MAGI2: variants seen among roughly 807,000 people sequenced by gnomAD.
The protein encoded by MAGI2 is membrane-associated guanylate kinase, WW and PDZ domain-containing protein 2.
MAGI2 carries 35 observed loss-of-function variants against 133.3 expected under a neutral mutation model. The ratio of observed to expected loss-of-function variants is 0.26; its 90% CI spans 0.20 to 0.35. The LOEUF (loss-of-function observed/expected upper bound fraction) is 0.35, where lower values mean the gene tolerates loss of function less well. Ranked by LOEUF, MAGI2 falls within the 10% of genes least tolerant of loss-of-function variation. The probability of loss-of-function intolerance (pLI) is 1.00; values close to 1 mark genes in which losing one functional copy is unlikely to be tolerated. For synonymous variants in MAGI2, 729 were observed against 710.6 expected (o/e 1.03, Z -0.41); for missense variants, 1,636 against 1,863.4 (o/e 0.88, Z 2.25).
intron 6 of MAGI2, among the ~76,000 whole-genome samples, chr7:78,371,517 A>T (rs1793915269): frequency 6.6e-6 from 1 of 151,968 alleles, no homozygotes; most frequent in Admixed American, 6.6e-5. Flanking sequence ...GAAGCATTTC[A>T]TGGTCAAAGT....
At chr7:78,222,995 C>T (rs1788983395) in intron 10 of MAGI2, among the ~76,000 whole-genome samples, 1 of 152,144 alleles carries the variant, frequency 6.6e-6, no homozygotes, top group African/African-American at 2.4e-5. Flanking sequence ...TTGTCTCCCT[C>T]ATGAAACATG....
At chr7:78,020,346 G>C (rs1235374877) in intron 21 of MAGI2, among the ~76,000 whole-genome samples, 1 of 152,174 alleles carries the variant, frequency 6.6e-6, no homozygotes, top group Non-Finnish European at 1.5e-5. Flanking sequence ...TCCAACTCGA[G>C]TAGACCTTGG....
chr7:79,280,844 G>C (rs2129557936), intron 1 of MAGI2, among the ~76,000 whole-genome samples: 1 of 144,612 alleles, frequency 6.9e-6, no homozygotes, highest in East Asian at 2.2e-4. Flanking sequence ...AGGATAGCTT[G>C]ATCTCAGGAG....
chr7:78,287,452 CATATCATGTAGACAATGAAGGAGGTGG>C lies in MAGI2; in HGVS notation c.1409-30898_1409-30872del, dbSNP rs1796259647. On this transcript the variant is annotated intron_variant, in intron 9 of 21. Coordinates refer to ENST00000354212, the MANE Select transcript of MAGI2 (RefSeq NM_012301.4). ...AATACTGAGTCCATTGGAGGAGGAG[CATATCATGTAGACAATGAAGGAGGTGG>C]AACAGACAATCTCTGTGACACGAGG... Among the ~76,000 whole-genome samples, 3 of 152,118 alleles carry C rather than the reference CATATCATGTAGACAATGAAGGAGGTGG, an allele frequency of 2.0e-5. No homozygotes were observed. The South Asian group carries it at 6.2e-4, about 32-fold the overall frequency.
intron 13 of MAGI2, among the ~76,000 whole-genome samples, chr7:78,178,574 G>A (rs996069444): frequency 8.3e-6 from 1 of 121,096 alleles, no homozygotes; most frequent in Non-Finnish European, 1.8e-5. Flanking sequence ...GATGCATCCA[G>A]TTTAGGAGTG....
chr7:79,143,396 T>C (rs1195913213), intron 1 of MAGI2, among the ~76,000 whole-genome samples: 1 of 152,222 alleles, frequency 6.6e-6, no homozygotes, highest in Non-Finnish European at 1.5e-5. Flanking sequence ...ACAGGTTTGT[T>C]GTAACATCTG....
At chr7:79,232,506 C>T (rs1345276717) in intron 1 of MAGI2, among the ~76,000 whole-genome samples, 2 of 140,442 alleles carry the variant, frequency 1.4e-5, no homozygotes, top group African/African-American at 5.4e-5. Context: ...TCAACTTCTT[C>T]CTGGTTTAGT....
intron 6 of MAGI2, among the ~76,000 whole-genome samples, chr7:78,392,704 C>T (rs554402433): frequency 1.4e-4 from 21 of 152,268 alleles, no homozygotes; most frequent in Middle Eastern, 6.8e-3. Flanking sequence ...AGTACAACGG[C>T]GCAATCTTGG....
At chr7:78,948,566 C>A (rs1801617642) in intron 2 of MAGI2, among the ~76,000 whole-genome samples, 1 of 152,050 alleles carries the variant, frequency 6.6e-6, no homozygotes, top group Admixed American at 6.6e-5. Context: ...TATTTATTGA[C>A]AGAATGTTAA....
At chr7:78,444,735 G>A (rs760077969) in intron 6 of MAGI2, among the ~76,000 whole-genome samples, 5 of 144,900 alleles carry the variant, frequency 3.5e-5, no homozygotes, top group Non-Finnish European at 4.5e-5. Context: ...CTGTTTTCCC[G>A]GCTCTCCCTC....
At chr7:78,287,759 G>A (rs1234987478) in intron 9 of MAGI2, among the ~76,000 whole-genome samples, 1 of 152,072 alleles carries the variant, frequency 6.6e-6, no homozygotes, top group Non-Finnish European at 1.5e-5. Flanking sequence ...TAGTTTCATA[G>A]CAATCATTTA....
At chr7:78,615,898 T>G (rs1025482148) in intron 3 of MAGI2, 1 of 152,186 alleles carries the variant, frequency 6.6e-6, no homozygotes, top group African/African-American at 2.4e-5. Context: ...CTTTCACATA[T>G]TATAAAATAA....
intron 2 of MAGI2, among the ~76,000 whole-genome samples, chr7:78,637,493 CA>C (rs1809802604): frequency 6.6e-6 from 1 of 150,670 alleles, no homozygotes; most frequent in African/African-American, 2.4e-5. Context: ...TGGTGGATGT[CA>C]AAAAATAGAT....
At chr7:79,414,022 CAAGTA>C (rs1450080565) in intron 1 of MAGI2, 5 of 152,046 alleles carry the variant, frequency 3.3e-5, no homozygotes, top group African/African-American at 4.8e-5. Context: ...TATGATAGAA[CAAGTA>C]AAGTATTCCA....
intron 20 of MAGI2, among the ~76,000 whole-genome samples, chr7:78,092,772 A>AT (rs538359519): frequency 8.5e-6 from 1 of 116,960 alleles, no homozygotes. Flanking sequence ...AGAATTCCAC[A>AT]TACATCCCTT....
intron 1 of MAGI2, among the ~76,000 whole-genome samples, chr7:79,217,292 A>C (rs901122763): frequency 1.3e-5 from 2 of 152,050 alleles, no homozygotes; most frequent in Non-Finnish European, 1.5e-5. Context: ...TCAGTTTATT[A>C]AATATGCTGA....
At chr7:78,615,678 A>G (rs1341986553) in intron 3 of MAGI2, 2 of 152,172 alleles carry the variant, frequency 1.3e-5, no homozygotes, top group Non-Finnish European at 2.9e-5. Context: ...AGAGAAGAAA[A>G]CTCATTGGAA....
intron 2 of MAGI2, among the ~76,000 whole-genome samples, chr7:78,963,897 A>C (rs1162528292): frequency 6.6e-6 from 1 of 152,014 alleles, no homozygotes; most frequent in Non-Finnish European, 1.5e-5. Flanking sequence ...TTTCGAACTC[A>C]GGGTTTTTTA....
At chr7:78,198,428 G>GTTTTT (rs398066996) in intron 11 of MAGI2, among the ~76,000 whole-genome samples, 14 of 97,492 alleles carry the variant, frequency 1.4e-4, no homozygotes, top group South Asian at 4.0e-4. Flanking sequence ...GGCTGTGGCC[G>GTTTTT]TTTTTTTTTT....
Sources: gnomAD v4.1 joint callset for allele counts (sites outside exome capture counted in the v4.1 genomes callset) on GRCh38, gnomAD v4.1.1 for gene constraint, MANE v1.5 for transcripts, NCBI Gene and HGNC (gene_info 2026-07-23, HGNC 2026-07-21) for gene names.